The following ZNF318 variants were observed in gnomAD, a reference collection of about 807,000 sequenced individuals.
ZNF318 encodes zinc finger protein 318, also known as endocrine regulator.
In ZNF318, 51 loss-of-function variants were observed where a neutral mutation model predicts 124.2. That is an observed-to-expected ratio of 0.41 (90% CI 0.33 to 0.52). The LOEUF (loss-of-function observed/expected upper bound fraction) is 0.52. Among genes scored for constraint, ZNF318 ranks in the 20% least tolerant of loss-of-function variants. ZNF318 has a pLI of 0.23. For missense variants in ZNF318, 2,815 were observed against 2,811.2 expected, an observed-to-expected ratio of 1.00 and a Z score of -0.03; for synonymous variants, 1,090 against 1,040.7, an observed-to-expected ratio of 1.05 and a Z score of -0.91.
chr6:43,355,732 C>G lies in ZNF318; in HGVS notation c.1602G>C (p.Glu534Asp). ...RRRSFPDIEDEEKFLYGDEEE... is the reference protein window; with the variant it reads ...RRRSFPDIEDDEKFLYGDEEE... ...CTTCATCCCCATAGAGAAATTTCTC[C>G]TCATCTTCAATGTCGGGAAAGCTAC... The change falls in exon 4 of 10, where the codon GAG becomes GAC. Residue 534 changes from glutamate (E) to aspartate (D), a missense_variant. This residue lies in a region of ZNF318 where 1,377 missense variants were observed against 1,353.5 expected (regional missense o/e 1.02). Transcript: ENST00000361428. The G allele has an allele frequency of 6.2e-7, 1 of 1,614,152 alleles. No individual in the cohort carries two copies. Among genetic ancestry groups the G allele is most frequent in the Non-Finnish European group, 8.5e-7 (1 of 1,180,024 alleles).
rs541552864 is a variant in ZNF318 at position 43,339,446 on chromosome 6, T to C, written c.4552A>G (p.Thr1518Ala). The change falls in exon 10 of 10, where the codon ACA becomes GCA. Residue 1518 changes from threonine (T) to alanine (A), a missense_variant. By Grantham distance (58) the Thr-to-Ala change is moderately conservative. Transcript: ENST00000361428. This position sits in a 1 kb window ranked among gnomAD's most constrained non-coding sequence, Gnocchi z 4.2. The part of the protein sequence containing the change: ...AQPAAIPSDE[T>A]APGVSESDRD... Reference sequence around the variant, plus strand: ...TCACTCTCACTCACCCCAGGAGCTGTCTCATCAGAAGGAATGGCAGCTGGC... The same window carrying C: ...TCACTCTCACTCACCCCAGGAGCTGCCTCATCAGAAGGAATGGCAGCTGGC... The C allele has an allele frequency of 7.4e-6, 12 of 1,614,018 alleles. No individual in the cohort carries two copies. The South Asian group carries it at 9.9e-5, about 13-fold the overall frequency.
At chr6:43,353,449 A>G (rs1217513261) in intron 4 of ZNF318, among the ~76,000 whole-genome samples, 1 of 148,334 alleles carries the variant, frequency 6.7e-6, no homozygotes, top group Non-Finnish European at 1.5e-5. Flanking sequence ...ATCTCAGCTC[A>G]CTGCAACCTC....
In ZNF318 at chr6:43,337,761, C is replaced by A; in HGVS notation, c.6237G>T (p.Leu2079Phe). Residue 2079 changes from leucine (L) to phenylalanine (F), a missense_variant, in exon 10 of 10, where the codon TTG becomes TTT. By Grantham distance (22) the Leu-to-Phe change is conservative (BLOSUM62 0). This residue lies in a region of ZNF318 where 927 missense variants were observed against 820.6 expected (regional missense o/e 1.13). Coordinates refer to ENST00000361428, the MANE Select transcript of ZNF318 (RefSeq NM_014345.3). ...SGFPLDSPKT[L>F]VLDFETEGER... is the part of the protein sequence containing the mutation. ...CACCCTCTGTCTCAAAGTCAAGCAC[C>A]AAGGTTTTGGGAGAATCTAACGGAA... 6.2e-7 allele frequency: 1 copy of A among 1,614,130 alleles called. No individual in the cohort carries two copies. The highest frequency in any genetic ancestry group is 8.5e-7 in the Non-Finnish European group (1 of 1,180,026).
At chr6:43,358,726 T>C (rs1779644187) in intron 2 of ZNF318, among the ~76,000 whole-genome samples, 1 of 152,122 alleles carries the variant, frequency 6.6e-6, no homozygotes, top group African/African-American at 2.4e-5. Flanking sequence ...GCTGACTTTT[T>C]GCATTTTTTT....
At position 43,369,179 on chromosome 6, in the gene ZNF318, G is replaced by A; in HGVS notation, c.187C>T (p.His63Tyr). ...PARRPRSPSG[H>Y]RGRRASPSPP... ...GACGGCGAGGCCCGGCGGCCGCGGTGCCCTGAGGGCGAGCGGGGTCGGCGA... is the reference window on the plus strand; with the variant it reads ...GACGGCGAGGCCCGGCGGCCGCGGTACCCTGAGGGCGAGCGGGGTCGGCGA... The change falls in exon 1 of 10, where the codon CAC becomes TAC. Residue 63 changes from histidine to tyrosine, a missense_variant. Around this residue, in one of 4 missense-constraint regions of ZNF318, gnomAD observed 1,377 missense variants for 1,353.5 expected, o/e 1.02. Transcript: ENST00000361428. 1 of 1,209,808 alleles carries A rather than the reference G, an allele frequency of 8.3e-7. No individual in the cohort carries two copies. The highest frequency in any genetic ancestry group is 1.6e-5 in the African/African-American group (1 of 63,270). The allele number at this position is 1,209,808 out of a possible 1,614,324, so 74.9% of individuals were successfully genotyped here.
Position 43,337,361 on chromosome 6 carries a change from A to C in ZNF318, c.6637T>G (p.Ser2213Ala). 6.2e-7 allele frequency: 1 copy of C among 1,614,164 alleles called. No homozygotes were observed. Among genetic ancestry groups the C allele is most frequent in the East Asian group, 2.2e-5 (1 of 44,882 alleles). The change falls in exon 10 of 10, where the codon TCG (serine) becomes GCG (alanine). Residue 2213 changes from serine to alanine, a missense_variant. Transcript: ENST00000361428. ...LELGPLQLEI[S>A]NASTTEVAIL... ...GCCACCTCTGTGGTGGATGCATTCG[A>C]TATTTCTAGCTGTAATGGCCCCAAC...
In ZNF318 at chr6:43,355,622, G is replaced by T. The variant is rs767383518; in HGVS notation, c.1712C>A (p.Pro571Gln). The part of the protein sequence containing the change: ...EVMRQKASSL[P>Q]SSAPAVKLES... ...TAGCTTTACAGCTGGAGCTGAAGAC[G>T]GCAGGGAGCTTGCCTTCTGCCTCAT... The change falls in exon 4 of 10, where the codon CCG (proline) becomes CAG (glutamine). Residue 571 changes from proline (P) to glutamine (Q), a missense_variant. Transcript: ENST00000361428. 1.2e-6 allele frequency: 2 copies of T among 1,614,178 alleles called. No homozygotes were observed. The highest frequency in any genetic ancestry group is 8.5e-7 in the Non-Finnish European group (1 of 1,180,044).
Position 43,356,998 on chromosome 6 carries a change from G to A in ZNF318, c.1188+128C>T, listed in dbSNP as rs1779616604. On this transcript the variant is annotated intron_variant, in intron 3 of 9. Transcript: ENST00000361428. ...TTTCGTTTGGAGAGTCCTAGAAGGT[G>A]TAGCTCACAATGTCGGTCCAGCACA... is the stretch of plus-strand genomic sequence containing the variant. The A allele has an allele frequency of 4.4e-6, 5 of 1,124,232 alleles. No homozygotes were observed. The East Asian group carries it at 1.2e-4, about 28-fold the overall frequency. 69.6% of individuals were successfully genotyped at this position (1,124,232 alleles called of 1,614,324 possible). A position where few individuals can be genotyped will look rare whatever the true frequency, so the allele number is the denominator to read the frequency against.
chr6:43,364,671 A>C (rs1779735839), intron 2 of ZNF318, among the ~76,000 whole-genome samples: 1 of 152,212 alleles, frequency 6.6e-6, no homozygotes. Flanking sequence ...ATTATTTACA[A>C]TCTATATATG....
rs1362030204 is a variant in ZNF318 at position 43,369,231 on chromosome 6, G to T, written c.135C>A (p.Pro45=). The T allele has an allele frequency of 1.6e-5, 20 of 1,230,216 alleles. No homozygotes were observed. Among genetic ancestry groups the T allele is most frequent in the Non-Finnish European group, 1.7e-5 (17 of 986,466 alleles). The allele number at this position is 1,230,216 out of a possible 1,614,324, so 76.2% of individuals were successfully genotyped here. A position where few individuals can be genotyped will look rare whatever the true frequency, so the allele number is the denominator to read the frequency against. Residue 45 remains proline (P), a synonymous_variant, in exon 1 of 10, where the codon CCC becomes CCA. Coordinates refer to ENST00000361428, the MANE Select transcript of ZNF318 (RefSeq NM_014345.3). ...PARRSSPPPP[P]SGSSSRTPAR... is the part of the protein sequence containing the mutation. ...CCGGGGTCCGCGACGAGGAGCCGGA[G>T]GGCGGAGGCGGCGGTGAGCTGCGGC... is the stretch of plus-strand genomic sequence containing the variant.
Position 43,357,326 on chromosome 6 carries a change from C to T in ZNF318, c.988G>A (p.Glu330Lys). Residue 330 changes from glutamate (E) to lysine (K), a missense_variant, in exon 3 of 10, where the codon GAG becomes AAG. This residue lies in a region of ZNF318 where 1,377 missense variants were observed against 1,353.5 expected (regional missense o/e 1.02). Transcript: ENST00000361428. ...TCCTGACTCAAGCTCCTACTTCGCT[C>T]CTCCTCTTCCTCTCGCTTTCGTCTG... ...LARRKREEEE[E>K]RSRSLSQELV... The T allele has an allele frequency of 6.2e-7, 1 of 1,614,180 alleles. No individual in the cohort carries two copies. The highest frequency in any genetic ancestry group is 8.5e-7 in the Non-Finnish European group (1 of 1,180,008).
chr6:43,344,610 CCTT>C (rs138806577), intron 6 of ZNF318, among the ~76,000 whole-genome samples: 1,557 of 152,262 alleles, frequency 0.01, 27 homozygotes, highest in African/African-American at 0.036. Context: ...ACTCTATACT[CCTT>C]ATCCTGTTTT....
Position 43,369,140 on chromosome 6 carries a change from G to A in ZNF318, c.226C>T (p.Arg76Cys). Residue 76 changes from arginine (R) to cysteine (C), a missense_variant, in exon 1 of 10, where the codon CGT becomes TGT. Coordinates refer to ENST00000361428, the MANE Select transcript of ZNF318 (RefSeq NM_014345.3). ...CGAGGCGGGGACGGGGAGACGCGAC[G>A]ACCCCGTGGCGGGGACGGCGAGGCC... ...RRASPSPPRG[R>C]RVSPSPPRAR... 8.2e-7 allele frequency: 1 copy of A among 1,226,496 alleles called. No homozygotes were observed. Among genetic ancestry groups the A allele is most frequent in the Non-Finnish European group, 1.0e-6 (1 of 984,792 alleles). The allele number at this position is 1,226,496 out of a possible 1,614,324, so 76.0% of individuals were successfully genotyped here. A position where few individuals can be genotyped will look rare whatever the true frequency, so the allele number is the denominator to read the frequency against.
chr6:43,339,259 G>A lies in ZNF318; in HGVS notation c.4739C>T (p.Ala1580Val). Residue 1580 changes from alanine to valine, a missense_variant, in exon 10 of 10, where the codon GCC (alanine) becomes GTC (valine). Transcript: ENST00000361428. This position sits in a 1 kb window ranked among gnomAD's most constrained non-coding sequence, Gnocchi z 4.2. ...DIFYSSGGKG[A>V]PETKGAPETK... ...CTCAGGGGCCCCCTTAGTCTCAGGGGCCCCCTTTCCACCACTACTATAGAA... is the reference window on the plus strand; with the variant it reads ...CTCAGGGGCCCCCTTAGTCTCAGGGACCCCCTTTCCACCACTACTATAGAA... 1 of 1,613,012 alleles carries A rather than the reference G, an allele frequency of 6.2e-7. No homozygotes were observed. The highest frequency in any genetic ancestry group is 8.5e-7 in the Non-Finnish European group (1 of 1,179,472).
rs1469024958 is a variant in ZNF318, at chr6:43,355,834, A to G, written c.1500T>C (p.Ala500=). ...HTDFLLPHER[A]SQDGSGFSRI... is the part of the protein sequence containing the mutation. ...GGGAAAAACCACTGCCATCCTGGCT[A>G]GCTCTCTCATGGGGCAGCAGGAAGT... is the stretch of plus-strand genomic sequence containing the variant. Residue 500 remains alanine (A), a synonymous_variant, in exon 4 of 10, where the codon GCT becomes GCC. Coordinates refer to ENST00000361428, the MANE Select transcript of ZNF318 (RefSeq NM_014345.3). The G allele has an allele frequency of 1.2e-6, 2 of 1,614,124 alleles. No individual in the cohort carries two copies. The highest frequency in any genetic ancestry group is 1.7e-5 in the Admixed American group (1 of 60,004).
At position 43,340,687 on chromosome 6, in the gene ZNF318, T is replaced by C. The variant is rs1477000099; in HGVS notation, c.3495+103A>G. 10 of 1,523,136 alleles carry C rather than the reference T, an allele frequency of 6.6e-6. No individual in the cohort carries two copies. In the African/African-American group the frequency reaches 8.3e-5, roughly 13 times the overall value. 94.4% of individuals were successfully genotyped at this position (1,523,136 alleles called of 1,614,324 possible). A position where few individuals can be genotyped will look rare whatever the true frequency, so the allele number is the denominator to read the frequency against. On this transcript the variant is annotated intron_variant, in intron 9 of 9. Transcript: ENST00000361428. The stretch of plus-strand genomic sequence containing the variant: ...AGGAGAACTTAGAGGTTATATGGAA[T>C]TTGAAGTGTCAATGGCTTTTTCTGG...
chr6:43,342,150 G>T lies in ZNF318; in HGVS notation c.3338C>A (p.Ala1113Asp), dbSNP rs143315352. Reference sequence around the variant, plus strand: ...AGTTATCTTGTCAGTGCGCTTTATGGCATCTTGCTTGGCCTCACTCTGGGT... The same window carrying T: ...AGTTATCTTGTCAGTGCGCTTTATGTCATCTTGCTTGGCCTCACTCTGGGT... ...SKTQSEAKQD[A>D]IKRTDKITVP... Residue 1113 changes from alanine to aspartate, a missense_variant, in exon 8 of 10, where the codon GCC becomes GAC. Physicochemically the swap from Ala to Asp is moderately radical, Grantham distance 126. This residue lies in a region of ZNF318 where 500 missense variants were observed against 605.2 expected (regional missense o/e 0.83). Coordinates refer to ENST00000361428, the MANE Select transcript of ZNF318 (RefSeq NM_014345.3). 2.2e-4 allele frequency: 357 copies of T among 1,613,896 alleles called. No homozygotes were observed. Among genetic ancestry groups the T allele is most frequent in the Admixed American group, 6.5e-4 (39 of 59,988 alleles).
chr6:43,351,480 G>A (rs895608704), intron 5 of ZNF318, among the ~76,000 whole-genome samples: 11 of 152,134 alleles, frequency 7.2e-5, no homozygotes, highest in African/African-American at 2.7e-4. Flanking sequence ...GTTCAGAAAA[G>A]GCCAGTGCAG....
chr6:43,342,301 G>T, intron 7 of ZNF318, 90 bp from the exon 8 acceptor site: 1 of 1,028,750 alleles, frequency 9.7e-7, no homozygotes, highest in East Asian at 2.5e-5. Context: ...ATAAGACCAG[G>T]GGACCAGAAG....
Sources: gnomAD v4.1 joint callset for allele counts (sites outside exome capture counted in the v4.1 genomes callset) on GRCh38, gnomAD v4.1.1 for gene constraint, gnomAD v4.1.1 regional missense constraint, Gnocchi (gnomAD v3.1) non-coding constraint, MANE v1.5 for transcripts, NCBI Gene and HGNC (gene_info 2026-07-23, HGNC 2026-07-21) for gene names.